PRELID2: variants seen among roughly 807,000 people sequenced by gnomAD.
PRELID2 encodes PRELI domain containing 2.
Under a neutral mutation model 28.4 loss-of-function variants are expected in PRELID2, and 25 were observed. The observed-to-expected ratio is 0.88, with a 90% CI of 0.64 to 1.23. PRELID2 has a LOEUF of 1.23. PRELID2 is among the 50% of genes most tolerant of loss of function. The pLI is 0.00. For synonymous variants in PRELID2, 76 were observed against 71.6 expected, an observed-to-expected ratio of 1.06 and a Z score of -0.31; for missense variants, 201 against 214.4, an observed-to-expected ratio of 0.94 and a Z score of 0.39.
chr5:145,232,734 G>T, the PRELID2 span, among the ~76,000 whole-genome samples: 1 of 152,042 alleles, frequency 6.6e-6, no homozygotes, highest in African/African-American at 2.4e-5. Flanking sequence ...TGACTCAGAA[G>T]TCTCAGAAGA....
At chr5:145,613,258 G>T (rs904939124) in intron 1 of PRELID2, among the ~76,000 whole-genome samples, 1 of 151,782 alleles carries the variant, frequency 6.6e-6, no homozygotes, top group African/African-American at 2.4e-5. Flanking sequence ...TCATATGTTT[G>T]CTGGCTATTT....
intron 1 of PRELID2, among the ~76,000 whole-genome samples, chr5:145,722,308 G>A (rs1471890835): frequency 1.3e-5 from 2 of 151,986 alleles, no homozygotes; most frequent in African/African-American, 2.4e-5. Flanking sequence ...AATAATTTGG[G>A]ATTTTTTCTG....
chr5:145,280,616 C>T, the PRELID2 span, among the ~76,000 whole-genome samples: 5 of 151,768 alleles, frequency 3.3e-5, no homozygotes, highest in African/African-American at 4.8e-5. Context: ...CTAACCTGCA[C>T]ATTGTGCACA....
chr5:145,646,411 G>C (rs1250640836), intron 1 of PRELID2, among the ~76,000 whole-genome samples: 1 of 151,988 alleles, frequency 6.6e-6, no homozygotes, highest in Non-Finnish European at 1.5e-5. Context: ...CCCTAAACTG[G>C]TTATTCTGGT....
In PRELID2 at chr5:145,504,406, A is replaced by G. The variant is rs565948036; in HGVS notation, n.71-31091T>C. On this transcript the variant is annotated intron_variant and non_coding_transcript_variant, in intron 1 of 2. Coordinates refer to the PRELID2 transcript ENST00000510259. ...ACTAATTTCCTTAACTACAAAGCACATAGTATTTTCATTTGATCTTCGCCA... is the reference window on the plus strand; with the variant it reads ...ACTAATTTCCTTAACTACAAAGCACGTAGTATTTTCATTTGATCTTCGCCA... 3.3e-5 allele frequency among the ~76,000 whole-genome samples: 5 copies of G among 152,220 alleles called. No homozygotes were observed. The East Asian group carries it at 9.6e-4, about 29-fold the overall frequency.
At chr5:145,730,334 G>T (rs1221671410) in intron 1 of PRELID2, among the ~76,000 whole-genome samples, 4 of 152,140 alleles carry the variant, frequency 2.6e-5, no homozygotes, top group African/African-American at 7.2e-5. Context: ...GAAGAGAAGA[G>T]AAGTGTAATT....
intron 1 of PRELID2, among the ~76,000 whole-genome samples, chr5:145,486,662 G>A (rs1160257073): frequency 6.6e-6 from 1 of 152,044 alleles, no homozygotes; most frequent in Non-Finnish European, 1.5e-5. Context: ...AAGGAAATAA[G>A]GGATTGAAAA....
At chr5:145,821,251 CTGTG>C (rs1018358884) in intron 2 of PRELID2, among the ~76,000 whole-genome samples, 7 of 124,554 alleles carry the variant, frequency 5.6e-5, no homozygotes, top group African/African-American at 1.1e-4. Flanking sequence ...AAGCCCTCTT[CTGTG>C]TGTATGTGTG....
intron 1 of PRELID2, among the ~76,000 whole-genome samples, chr5:145,749,545 A>C (rs1390750052): frequency 6.6e-6 from 1 of 152,208 alleles, no homozygotes; most frequent in East Asian, 1.9e-4. Context: ...CCATTGTGGA[A>C]GACAGTATGG....
At chr5:145,521,174 A>G (rs1379408155) in intron 1 of PRELID2, among the ~76,000 whole-genome samples, 1 of 152,176 alleles carries the variant, frequency 6.6e-6, no homozygotes, top group Non-Finnish European at 1.5e-5. Flanking sequence ...AGTTGCTGAG[A>G]TCCTAGTCAT....
chr5:145,318,135 T>C, the PRELID2 span, among the ~76,000 whole-genome samples: 4 of 152,284 alleles, frequency 2.6e-5, no homozygotes, highest in East Asian at 5.8e-4. Flanking sequence ...CAAGTCTCAA[T>C]TGGGCTACTA....
At chr5:145,825,340 C>A (rs779395649) in intron 1 of PRELID2, among the ~76,000 whole-genome samples, 51 of 147,068 alleles carry the variant, frequency 3.5e-4, no homozygotes, top group Non-Finnish European at 6.6e-4. Context: ...GGTTTAGATA[C>A]TCTGCTCCTC....
At chr5:145,408,337 T>A in the PRELID2 span, among the ~76,000 whole-genome samples, 1 of 149,780 alleles carries the variant, frequency 6.7e-6, no homozygotes, top group African/African-American at 2.4e-5. Context: ...TTCAGAAGGT[T>A]GATGATTAAG....
At chr5:145,801,241 C>T (rs540372998) in intron 4 of PRELID2, among the ~76,000 whole-genome samples, 77 of 152,236 alleles carry the variant, frequency 5.1e-4, no homozygotes, top group African/African-American at 1.7e-3. Flanking sequence ...GCCTTTTAAA[C>T]CATTTTCAGC....
chr5:145,421,136 A>G, the PRELID2 span, among the ~76,000 whole-genome samples: 1 of 151,854 alleles, frequency 6.6e-6, no homozygotes, highest in African/African-American at 2.4e-5. Context: ...TCGTTTTGCT[A>G]GTATTTTATT....
intron 1 of PRELID2, among the ~76,000 whole-genome samples, chr5:145,498,837 C>T (rs1234853247): frequency 6.6e-6 from 1 of 151,886 alleles, no homozygotes; most frequent in Non-Finnish European, 1.5e-5. Context: ...CTCGGCCTCC[C>T]AAAGTGCTGA....
chr5:145,801,964 A>G (rs1379741549), intron 4 of PRELID2, among the ~76,000 whole-genome samples: 1 of 152,144 alleles, frequency 6.6e-6, no homozygotes, highest in Non-Finnish European at 1.5e-5. Flanking sequence ...AGTGCCTCCC[A>G]ATGGGGTCCC....
chr5:145,791,018 A>G (rs1752354593), intron 5 of PRELID2, among the ~76,000 whole-genome samples: 2 of 151,878 alleles, frequency 1.3e-5, no homozygotes, highest in Admixed American at 6.6e-5. Flanking sequence ...CAATCCACCA[A>G]TGGATGATGT....
At chr5:145,350,061 A>T in the PRELID2 span, among the ~76,000 whole-genome samples, 16 of 152,196 alleles carry the variant, frequency 1.1e-4, no homozygotes, top group Non-Finnish European at 1.9e-4. Context: ...TTAGACGTAC[A>T]TTGAACTCTG....
Sources: gnomAD v4.1 joint callset for allele counts (sites outside exome capture counted in the v4.1 genomes callset) on GRCh38, gnomAD v4.1.1 for gene constraint, MANE v1.5 for transcripts, NCBI Gene and HGNC (gene_info 2026-07-23, HGNC 2026-07-21) for gene names.